ZFPM2: variants seen among roughly 807,000 people sequenced by gnomAD.
The protein encoded by ZFPM2 is zinc finger protein, FOG family member 2.
Under a neutral mutation model 98.6 loss-of-function variants are expected in ZFPM2, and 20 were observed. The observed-to-expected ratio is 0.20, with a 90% CI of 0.14 to 0.29. ZFPM2 has a LOEUF of 0.29. ZFPM2 is among the 10% of genes least tolerant of loss of function. ZFPM2 has a pLI of 1.00. For missense variants in ZFPM2, 1,310 were observed against 1,388.6 expected (o/e 0.94, Z 0.90); for synonymous variants, 518 against 502.7 (o/e 1.03, Z -0.41).
At chr8:105,513,322 C>T (rs1478990126) in intron 3 of ZFPM2, among the ~76,000 whole-genome samples, 1 of 152,184 alleles carries the variant, frequency 6.6e-6, no homozygotes, top group Non-Finnish European at 1.5e-5. Context: ...GAAATACCTG[C>T]ACTCATGAAT....
At chr8:105,379,329 A>T (rs2129858144) in intron 1 of ZFPM2, among the ~76,000 whole-genome samples, 1 of 152,366 alleles carries the variant, frequency 6.6e-6, no homozygotes, top group African/African-American at 2.4e-5. Flanking sequence ...AATTAAAAAA[A>T]ACTTCATCAA....
intron 4 of ZFPM2, among the ~76,000 whole-genome samples, chr8:105,572,175 C>A (rs1164971730): frequency 2.0e-5 from 3 of 150,232 alleles, no homozygotes; most frequent in African/African-American, 7.4e-5. Flanking sequence ...GTAGCTGGGA[C>A]CACAGGTGCA....
At chr8:105,647,111 G>A (rs544475116) in intron 5 of ZFPM2, among the ~76,000 whole-genome samples, 3 of 152,228 alleles carry the variant, frequency 2.0e-5, no homozygotes, top group Admixed American at 6.5e-5. Flanking sequence ...TTCTGCAGAC[G>A]AAATCTGCCT....
At chr8:105,535,980 CT>C (rs1814442770) in intron 3 of ZFPM2, among the ~76,000 whole-genome samples, 1 of 152,106 alleles carries the variant, frequency 6.6e-6, no homozygotes, top group Non-Finnish European at 1.5e-5. Context: ...GGGAACTTGT[CT>C]GCATAGGCAA....
intron 1 of ZFPM2, among the ~76,000 whole-genome samples, chr8:105,344,318 G>A (rs1812479023): frequency 6.6e-6 from 1 of 152,086 alleles, no homozygotes; most frequent in Non-Finnish European, 1.5e-5. Flanking sequence ...AACTCTCAAA[G>A]CCTTGGGAGG....
Position 105,499,884 on chromosome 8 carries a change from G to C in ZFPM2, c.301+55503G>C, listed in dbSNP as rs367612602. Among the ~76,000 whole-genome samples, 19 of 152,300 alleles carry C rather than the reference G, an allele frequency of 1.2e-4. 1 individual carries two copies. Among genetic ancestry groups the C allele is most frequent in the African/African-American group, 3.8e-4 (16 of 41,560 alleles). On this transcript the variant is annotated intron_variant, in intron 3 of 7. Transcript: ENST00000407775. Reference sequence around the variant, plus strand: ...TGTAGGATTTGCAATGACAGGATTAGAGTCAAGGCTTCTTCAGAGCGATCA... The same window carrying C: ...TGTAGGATTTGCAATGACAGGATTACAGTCAAGGCTTCTTCAGAGCGATCA...
chr8:105,617,058 A>AAAAAAAAAAAC, intron 4 of ZFPM2, among the ~76,000 whole-genome samples: 1 of 129,614 alleles, frequency 7.7e-6, no homozygotes, highest in Non-Finnish European at 1.7e-5. Flanking sequence ...AAAAAAAAAA[A>AAAAAAAAAAAC]AAGATCCACA....
intron 5 of ZFPM2, chr8:105,737,149 T>A (rs1462114485): frequency 6.6e-6 from 1 of 152,044 alleles, no homozygotes; most frequent in Non-Finnish European, 1.5e-5. Context: ...GTGTGCATGA[T>A]CATCTTAATC....
intron 1 of ZFPM2, among the ~76,000 whole-genome samples, chr8:105,325,272 A>G (rs1446898536): frequency 1.3e-5 from 2 of 151,902 alleles, no homozygotes; most frequent in African/African-American, 4.8e-5. Context: ...CTGAAATGCA[A>G]TTAAATTAAT....
At chr8:105,735,092 C>T (rs7836300) in intron 5 of ZFPM2, among the ~76,000 whole-genome samples, 8,398 of 147,460 alleles carry the variant, frequency 0.057, 809 homozygotes, top group African/African-American at 0.2. Flanking sequence ...CTAATATATA[C>T]ACATATATTA....
intron 4 of ZFPM2, among the ~76,000 whole-genome samples, chr8:105,568,484 C>G (rs1303509926): frequency 1.3e-5 from 2 of 152,142 alleles, no homozygotes; most frequent in Non-Finnish European, 2.9e-5. Context: ...CCTGTAACTA[C>G]TACCATCTCT....
At chr8:105,445,880 A>C (rs1306941757) in intron 3 of ZFPM2, among the ~76,000 whole-genome samples, 2 of 151,350 alleles carry the variant, frequency 1.3e-5, no homozygotes, top group African/African-American at 4.9e-5. Flanking sequence ...AATTACAGGC[A>C]TGAGCCACTG....
intron 3 of ZFPM2, among the ~76,000 whole-genome samples, chr8:105,502,227 G>A (rs1390875824): frequency 6.6e-6 from 1 of 151,968 alleles, no homozygotes; most frequent in Non-Finnish European, 1.5e-5. Flanking sequence ...TAAAATATAT[G>A]AATTATTGAA....
intron 3 of ZFPM2, among the ~76,000 whole-genome samples, chr8:105,558,512 A>G (rs1259928381): frequency 1.3e-5 from 2 of 152,150 alleles, no homozygotes; most frequent in Non-Finnish European, 2.9e-5. Context: ...ATTTTAATGG[A>G]TAATCAAAGA....
At chr8:105,444,447 T>C (rs547172780) in intron 3 of ZFPM2, 66 bp downstream of exon 3, 2 of 1,252,176 alleles carry the variant, frequency 1.6e-6, no homozygotes, top group East Asian at 5.2e-5. Flanking sequence ...TTTCTTTTTT[T>C]CTTGAACATC....
intron 5 of ZFPM2, among the ~76,000 whole-genome samples, chr8:105,645,150 T>A (rs1817018675): frequency 6.6e-6 from 1 of 152,194 alleles, no homozygotes; most frequent in South Asian, 2.1e-4. Flanking sequence ...TAAACCAGTA[T>A]GATGCAGTTT....
chr8:105,584,062 A>G (rs1190627467), intron 4 of ZFPM2, among the ~76,000 whole-genome samples: 2 of 152,022 alleles, frequency 1.3e-5, no homozygotes, highest in African/African-American at 4.8e-5. Context: ...TTTTTTTGGT[A>G]TTACATTTTT....
intron 5 of ZFPM2, among the ~76,000 whole-genome samples, chr8:105,734,509 C>T (rs10113467): frequency 0.055 from 8,377 of 151,880 alleles, 794 homozygotes; most frequent in African/African-American, 0.19. Flanking sequence ...GAAGTATCCA[C>T]GAGATGGTTA....
intron 1 of ZFPM2, among the ~76,000 whole-genome samples, chr8:105,379,031 GACCT>G (rs1290797303): frequency 6.6e-6 from 1 of 151,906 alleles, no homozygotes; most frequent in East Asian, 1.9e-4. Flanking sequence ...TAACGTCTAG[GACCT>G]ATTTAGATAA....
Sources: allele counts gnomAD v4.1 joint callset (sites outside exome capture counted in the v4.1 genomes callset), GRCh38; gene constraint gnomAD v4.1.1; transcripts MANE v1.5; gene names NCBI Gene and HGNC (gene_info 2026-07-23, HGNC 2026-07-21).